The following ABI3BP variants were observed in gnomAD, a reference collection of about 807,000 sequenced individuals.
The protein encoded by ABI3BP is target of Nesh-SH3.
Under a neutral mutation model 268.6 loss-of-function variants are expected in ABI3BP, and 216 were observed. The ratio of observed to expected loss-of-function variants is 0.80; its 90% CI spans 0.72 to 0.90. The LOEUF is 0.90. Ranked by LOEUF, ABI3BP falls within the 40% of genes least tolerant of loss-of-function variation. ABI3BP has a pLI of 0.00. For missense variants in ABI3BP, 2,090 were observed against 2,182.4 expected, an observed-to-expected ratio of 0.96 and a Z score of 0.84; for synonymous variants, 730 against 730.0, an observed-to-expected ratio of 1.00 and a Z score of 0.00.
At chr3:100,916,711 GC>G (rs2058715698) in intron 2 of ABI3BP, among the ~76,000 whole-genome samples, 1 of 152,168 alleles carries the variant, frequency 6.6e-6, no homozygotes, top group African/African-American at 2.4e-5. Flanking sequence ...CCATCTATGT[GC>G]CCAGCCTGGA....
At chr3:100,963,204 C>G (rs2079796972) in intron 1 of ABI3BP, among the ~76,000 whole-genome samples, 1 of 152,112 alleles carries the variant, frequency 6.6e-6, no homozygotes, top group Non-Finnish European at 1.5e-5. Flanking sequence ...AGTGGTTAAG[C>G]AATCGGCCCA....
chr3:100,796,660 T>C (rs1362594976), intron 51 of ABI3BP, among the ~76,000 whole-genome samples, 192 bp from the exon 52 acceptor site: 2 of 152,088 alleles, frequency 1.3e-5, no homozygotes, highest in Non-Finnish European at 2.9e-5. Flanking sequence ...AAGGTTCTGG[T>C]GGCAGTGAAA....
chr3:100,959,522 G>C (rs923583708), intron 1 of ABI3BP, among the ~76,000 whole-genome samples: 1 of 149,602 alleles, frequency 6.7e-6, no homozygotes, highest in Non-Finnish European at 1.5e-5. Context: ...AAAGAATAAG[G>C]CTGAATCAGA....
intron 2 of ABI3BP, among the ~76,000 whole-genome samples, chr3:100,923,493 A>T (rs147284807): frequency 6.6e-6 from 1 of 152,338 alleles, no homozygotes; most frequent in East Asian, 1.9e-4. Flanking sequence ...TAAGGCATAC[A>T]TAAGTGATAT....
chr3:100,776,140 C>T (rs921192128), intron 59 of ABI3BP, among the ~76,000 whole-genome samples: 1 of 152,190 alleles, frequency 6.6e-6, no homozygotes, highest in Non-Finnish European at 1.5e-5. Flanking sequence ...CCAGGCAAGT[C>T]TGGGTGTTTG....
At chr3:100,852,247 CAA>C (rs1282217275) in intron 14 of ABI3BP, among the ~76,000 whole-genome samples, 4 of 152,104 alleles carry the variant, frequency 2.6e-5, no homozygotes, top group African/African-American at 9.7e-5. Flanking sequence ...CAAAGAGCTG[CAA>C]AGAGTATAAA....
At chr3:100,894,602 G>T (rs1048267616) in intron 4 of ABI3BP, among the ~76,000 whole-genome samples, 1 of 152,114 alleles carries the variant, frequency 6.6e-6, no homozygotes, top group African/African-American at 2.4e-5. Context: ...AAGAGAGTCT[G>T]CTCTGGACTG....
intron 64 of ABI3BP, among the ~76,000 whole-genome samples, chr3:100,754,297 CT>C (rs2095501892): frequency 6.6e-6 from 1 of 152,182 alleles, no homozygotes; most frequent in Non-Finnish European, 1.5e-5. Context: ...TGTTATTAAA[CT>C]ATCATGGGTT....
intron 50 of ABI3BP, among the ~76,000 whole-genome samples, chr3:100,807,186 T>C (rs1394077): frequency 0.33 from 50,146 of 151,750 alleles, 10,795 homozygotes; most frequent in African/African-American, 0.62. Context: ...TTTTTAACGT[T>C]AGATTTTAGT....
chr3:100,875,938 A>C (rs2099157380), intron 7 of ABI3BP, among the ~76,000 whole-genome samples: 1 of 152,222 alleles, frequency 6.6e-6, no homozygotes. Flanking sequence ...TATTTTCTCA[A>C]AGAGCCTTTG....
chr3:100,757,280 C>A (rs952495115), intron 63 of ABI3BP, among the ~76,000 whole-genome samples: 1 of 151,426 alleles, frequency 6.6e-6, no homozygotes, highest in Admixed American at 6.6e-5. Context: ...ACAAGAGTTT[C>A]CAGATTGAAA....
chr3:100,969,301 C>A (rs1437730881), intron 1 of ABI3BP, among the ~76,000 whole-genome samples: 1 of 152,128 alleles, frequency 6.6e-6, no homozygotes, highest in Non-Finnish European at 1.5e-5. Context: ...AAAGCTGAGG[C>A]CAAGTGTGGT....
chr3:100,854,673 A>G (rs1324498371), intron 14 of ABI3BP, among the ~76,000 whole-genome samples: 1 of 152,244 alleles, frequency 6.6e-6, no homozygotes, highest in East Asian at 1.9e-4. Flanking sequence ...GCTATAAGAC[A>G]TTAAGCAGTA....
intron 57 of ABI3BP, 98 bp from the exon 58 acceptor site, chr3:100,780,307 C>G: frequency 8.8e-7 from 1 of 1,134,214 alleles, no homozygotes. Flanking sequence ...CTTTGCAGAG[C>G]AGGAGCATTG....
Position 100,813,166 on chromosome 3 carries a change from C to A in ABI3BP, c.3364+495G>T, listed in dbSNP as rs111957522. ...AAAGTGTTGGGATTACAGGTGTGAGCCACTATGCCTGGCCTATTTACAAGC... is the reference window on the plus strand; with the variant it reads ...AAAGTGTTGGGATTACAGGTGTGAGACACTATGCCTGGCCTATTTACAAGC... On this transcript the variant is annotated intron_variant, in intron 45 of 67. Coordinates refer to ENST00000471714, the MANE Select transcript of ABI3BP (RefSeq NM_001375547.2). Among the ~76,000 whole-genome samples, 8 of 152,266 alleles carry A rather than the reference C, an allele frequency of 5.3e-5. 1 individual carries two copies. Among genetic ancestry groups the A allele is most frequent in the African/African-American group, 1.7e-4 (7 of 41,548 alleles).
chr3:100,911,763 C>G, intron 2 of ABI3BP: 1 of 1,051,722 alleles, frequency 9.5e-7, no homozygotes, highest in Non-Finnish European at 1.5e-6. Flanking sequence ...AGTAGCGTAG[C>G]TTTCTGTTAT....
At position 100,980,736 on chromosome 3, in the gene ABI3BP, G is replaced by C. The variant is rs181532157; in HGVS notation, c.79+12570C>G. On this transcript the variant is annotated intron_variant, in intron 1 of 67. Coordinates refer to ENST00000471714, the MANE Select transcript of ABI3BP (RefSeq NM_001375547.2). ...GAAATAGTATTAAATGCCTGCAACT[G>C]TGATCTAGTCACCAATTACAGGATC... is the stretch of plus-strand genomic sequence containing the variant. Among the ~76,000 whole-genome samples, 189 of 152,308 alleles carry C rather than the reference G, an allele frequency of 1.2e-3. No individual in the cohort carries two copies. The Middle Eastern group carries it at 0.014, about 11-fold the overall frequency.
At chr3:100,815,292 T>C (rs1196684659) in intron 44 of ABI3BP, among the ~76,000 whole-genome samples, 1 of 152,136 alleles carries the variant, frequency 6.6e-6, no homozygotes, top group East Asian at 1.9e-4. Context: ...TGATCATCAC[T>C]AAGGGTTCCT....
intron 2 of ABI3BP, among the ~76,000 whole-genome samples, chr3:100,908,008 C>T (rs1385468443): frequency 4.0e-5 from 6 of 151,054 alleles, no homozygotes; most frequent in Admixed American, 1.3e-4. Flanking sequence ...CCCAACTACT[C>T]GGGAGGCTGA....
Sources: gnomAD v4.1 joint callset for allele counts (sites outside exome capture counted in the v4.1 genomes callset) on GRCh38, gnomAD v4.1.1 for gene constraint, MANE v1.5 for transcripts, NCBI Gene and HGNC (gene_info 2026-07-23, HGNC 2026-07-21) for gene names.